PLAAT3: variants seen among roughly 807,000 people sequenced by gnomAD.
The protein encoded by PLAAT3 is phospholipase A and acyltransferase 3, also known as Ca-independent phospholipase A1/2.
A neutral mutation model predicts 16.7 loss-of-function variants in PLAAT3; 21 were observed. The observed-to-expected ratio is 1.26, with a 90% CI of 0.89 to 1.81. The LOEUF is 1.81. PLAAT3 is among the 40% of genes most tolerant of loss of function. The probability of loss-of-function intolerance (pLI) is 0.00; values close to 1 mark genes in which losing one functional copy is unlikely to be tolerated. For missense variants in PLAAT3, 219 were observed against 213.7 expected, an observed-to-expected ratio of 1.02 and a Z score of -0.16; for synonymous variants, 76 against 81.7, an observed-to-expected ratio of 0.93 and a Z score of 0.38.
At chr11:63,607,844 T>C in intron 2 of PLAAT3, among the ~76,000 whole-genome samples, 1 of 151,774 alleles carries the variant, frequency 6.6e-6, no homozygotes, top group Non-Finnish European at 1.5e-5. Context: ...TGGGGTTTGG[T>C]CAGAAGCAGG....
chr11:63,585,100 T>C (rs569552247), intron 4 of PLAAT3, among the ~76,000 whole-genome samples: 14 of 151,828 alleles, frequency 9.2e-5, no homozygotes, highest in Middle Eastern at 3.4e-3. Context: ...CAATCTTGGC[T>C]CACTGCAACC....
intron 2 of PLAAT3, among the ~76,000 whole-genome samples, chr11:63,605,282 C>G (rs1375402170): frequency 6.6e-6 from 1 of 152,014 alleles, no homozygotes; most frequent in African/African-American, 2.4e-5. Context: ...CCTGTAATCT[C>G]AGCTACTCGG....
At chr11:63,598,019 G>A (rs1938336030) in intron 3 of PLAAT3, 42 bp downstream of exon 3, 3 of 1,336,358 alleles carry the variant, frequency 2.2e-6, no homozygotes, top group African/African-American at 2.9e-5. Flanking sequence ...TCTCTTCCCA[G>A]CCCCTGGGGC....
chr11:63,588,443 T>C lies in PLAAT3; in HGVS notation c.387+1657A>G, dbSNP rs1004572362. Among the ~76,000 whole-genome samples, 69 of 144,770 alleles carry C rather than the reference T, an allele frequency of 4.8e-4. 1 individual carries two copies. The highest frequency in any genetic ancestry group is 2.4e-4 in the Non-Finnish European group (16 of 66,786). The allele number at this position is 144,770 out of a possible 152,430, so 95.0% of individuals were successfully genotyped here. A position where few individuals can be genotyped will look rare whatever the true frequency, so the allele number is the denominator to read the frequency against. ...AAGGCTGTTATCCCCAAGAGATAGA[T>C]GTAGTAAGTGCCACCATCCCCTGGT... On this transcript the variant is annotated intron_variant, in intron 4 of 4. Transcript: ENST00000415826.
At chr11:63,614,181 G>T in intron 1 of PLAAT3, 113 bp from the exon 2 acceptor site, 1 of 855,200 alleles carries the variant, frequency 1.2e-6, no homozygotes, top group Non-Finnish European at 1.9e-6. Flanking sequence ...TCGGACCCCA[G>T]GAACAACCAC....
intron 4 of PLAAT3, among the ~76,000 whole-genome samples, chr11:63,584,508 GTT>G (rs59460211): frequency 5.7e-5 from 8 of 140,242 alleles, no homozygotes; most frequent in Non-Finnish European, 1.2e-4. Flanking sequence ...TTTTTTTTTT[GTT>G]TTTTTTTGTT....
At chr11:63,600,587 T>TTTTTTG (rs1555045456) in intron 2 of PLAAT3, among the ~76,000 whole-genome samples, 37 of 148,436 alleles carry the variant, frequency 2.5e-4, no homozygotes, top group African/African-American at 8.0e-4. Flanking sequence ...TTTTTTGTTT[T>TTTTTTG]TTTTGTTTTG....
intron 2 of PLAAT3, among the ~76,000 whole-genome samples, chr11:63,612,523 T>C (rs1938719466): frequency 6.6e-6 from 1 of 152,206 alleles, no homozygotes; most frequent in South Asian, 2.1e-4. Flanking sequence ...TAATAAAAAG[T>C]GTTCTTCAAT....
intron 3 of PLAAT3, among the ~76,000 whole-genome samples, chr11:63,596,742 G>C (rs1287187447): frequency 6.6e-6 from 1 of 152,044 alleles, no homozygotes; most frequent in Non-Finnish European, 1.5e-5. Flanking sequence ...AATCATGAGC[G>C]AGATTTCCCT....
intron 2 of PLAAT3, 130 bp downstream of exon 2, chr11:63,613,870 C>G: frequency 3.0e-6 from 2 of 661,028 alleles, no homozygotes; most frequent in Non-Finnish European, 5.4e-6. Context: ...TGCCTCGCAG[C>G]TGACAGAGGT....
chr11:63,615,386 ATGTGTATATATGTGTGTATATGTGTG>A (rs1938846703), upstream of PLAAT3, among the ~76,000 whole-genome samples: 1 of 52,604 alleles, frequency 1.9e-5, no homozygotes, highest in Non-Finnish European at 4.2e-5. Flanking sequence ...GTGTATATAT[ATGTGTATATATGTGTGTATATGTGTG>A]TGTGTGTGTG....
intron 2 of PLAAT3, among the ~76,000 whole-genome samples, chr11:63,606,357 G>A (rs1174827713): frequency 1.3e-5 from 2 of 151,966 alleles, no homozygotes; most frequent in Non-Finnish European, 2.9e-5. Context: ...AGGCCGAGGC[G>A]GGTGGATCAC....
At chr11:63,602,920 C>G (rs1253447735) in intron 2 of PLAAT3, among the ~76,000 whole-genome samples, 1 of 152,136 alleles carries the variant, frequency 6.6e-6, no homozygotes, top group Non-Finnish European at 1.5e-5. Flanking sequence ...TGGTGAAACA[C>G]TGTCTCTACT....
chr11:63,593,347 G>A (rs1437300614), intron 3 of PLAAT3, among the ~76,000 whole-genome samples: 1 of 152,238 alleles, frequency 6.6e-6, no homozygotes, highest in Non-Finnish European at 1.5e-5. Flanking sequence ...CTTTGCTGAA[G>A]CTTGAATGAT....
intron 4 of PLAAT3, among the ~76,000 whole-genome samples, chr11:63,577,770 T>C (rs1405806505): frequency 1.3e-5 from 2 of 152,042 alleles, no homozygotes; most frequent in African/African-American, 2.4e-5. Context: ...AAATTATCAC[T>C]GGAGAATAAG....
chr11:63,597,848 G>A (rs1019643575), intron 3 of PLAAT3, among the ~76,000 whole-genome samples: 2 of 152,162 alleles, frequency 1.3e-5, no homozygotes, highest in Non-Finnish European at 2.9e-5. Context: ...GGGGACCCCT[G>A]CTCTAAAGAA....
At chr11:63,594,176 T>C (rs1243326596) in intron 3 of PLAAT3, among the ~76,000 whole-genome samples, 1 of 152,168 alleles carries the variant, frequency 6.6e-6, no homozygotes, top group Non-Finnish European at 1.5e-5. Context: ...GAGCCTCCCA[T>C]TTGGGGCAGA....
chr11:63,575,033 A>T lies in PLAAT3; in HGVS notation c.401T>A (p.Ile134Asn). Residue 134 changes from isoleucine (I) to asparagine (N), a missense_variant, in exon 5 of 5, where the codon ATC becomes AAC. Transcript: ENST00000415826. Reference sequence around the variant, plus strand: ...CATTCCTGCAACGCTTGCAGCGATGATGACATCTCTGACCTGCAACAAAGA... The same window carrying T: ...CATTCCTGCAACGCTTGCAGCGATGTTGACATCTCTGACCTGCAACAAAGA... The part of the protein sequence containing the change: ...VARSDQVRDV[I>N]IAASVAGMGL... The T allele has an allele frequency of 6.2e-7, 1 of 1,609,898 alleles. No homozygotes were observed. Among genetic ancestry groups the T allele is most frequent in the Non-Finnish European group, 8.5e-7 (1 of 1,176,180 alleles).
intron 2 of PLAAT3, 112 bp downstream of exon 2, chr11:63,613,888 C>T: frequency 1.4e-6 from 1 of 709,530 alleles, no homozygotes; most frequent in South Asian, 1.6e-5. Context: ...GGTGCGGGCC[C>T]CACATCCTCG....
Sources: gnomAD v4.1 joint callset for allele counts (sites outside exome capture counted in the v4.1 genomes callset) on GRCh38, gnomAD v4.1.1 for gene constraint, MANE v1.5 for transcripts, NCBI Gene and HGNC (gene_info 2026-07-23, HGNC 2026-07-21) for gene names.